The following FRMPD4 variants were observed in gnomAD, a reference collection of about 807,000 sequenced individuals.
FRMPD4 encodes FERM and PDZ domain containing 4.
In FRMPD4, 22 loss-of-function variants were observed where a neutral mutation model predicts 94.1. That is an observed-to-expected ratio of 0.23 (90% CI 0.17 to 0.33). The LOEUF is 0.33. Among genes scored for constraint, FRMPD4 ranks in the 10% least tolerant of loss-of-function variants. The probability of loss-of-function intolerance (pLI) is 1.00; values close to 1 mark genes in which losing one functional copy is unlikely to be tolerated. For synonymous variants in FRMPD4, 631 were observed against 548.6 expected (o/e 1.15, Z -2.10); for missense variants, 1,111 against 1,339.9 (o/e 0.83, Z 2.67).
intron 1 of FRMPD4, among the ~76,000 whole-genome samples, chrX:12,451,915 T>A (rs1030425933): frequency 9.0e-6 from 1 of 111,195 alleles, no homozygotes; most frequent in African/African-American, 3.3e-5. Context: ...CTCTAGCAGC[T>A]CTATTCTTTC....
intron 3 of FRMPD4, among the ~76,000 whole-genome samples, chrX:12,097,692 G>C (rs2055218368): frequency 8.9e-6 from 1 of 112,302 alleles, no homozygotes; most frequent in South Asian, 3.7e-4. Flanking sequence ...TTTTGTGTCT[G>C]GCTTCTTTCA....
At chrX:12,499,909 A>G (rs1003551749) in intron 2 of FRMPD4, among the ~76,000 whole-genome samples, 4 of 111,924 alleles carry the variant, frequency 3.6e-5, no homozygotes, top group African/African-American at 1.3e-4. Flanking sequence ...AGTTGCTGAA[A>G]CATATGGAAT....
At chrX:12,494,472 G>C (rs1255654327) in intron 1 of FRMPD4, among the ~76,000 whole-genome samples, 2 of 112,071 alleles carry the variant, frequency 1.8e-5, no homozygotes, top group African/African-American at 3.2e-5. Context: ...CACAAATCTA[G>C]TAAGTGGCAG....
chrX:11,889,119 A>AT (rs746111465), intron 3 of FRMPD4, among the ~76,000 whole-genome samples: 108 of 112,427 alleles, frequency 9.6e-4, no homozygotes, highest in African/African-American at 3.2e-3. Flanking sequence ...TTAGTGCACT[A>AT]TTATTAATTG....
intron 1 of FRMPD4, among the ~76,000 whole-genome samples, chrX:12,491,170 T>C (rs978200359): frequency 3.6e-5 from 4 of 111,650 alleles, no homozygotes; most frequent in African/African-American, 1.3e-4. Flanking sequence ...CATAACCGTT[T>C]TCTAGTTTCA....
At chrX:12,508,402 T>C (rs1025703599) in intron 2 of FRMPD4, among the ~76,000 whole-genome samples, 6 of 112,525 alleles carry the variant, frequency 5.3e-5, no homozygotes, top group Non-Finnish European at 1.1e-4. Flanking sequence ...CCATTTGGTT[T>C]TGGTCCAGAA....
At chrX:11,887,035 G>T (rs2053849569) in intron 3 of FRMPD4, among the ~76,000 whole-genome samples, 1 of 111,109 alleles carries the variant, frequency 9.0e-6, no homozygotes, top group South Asian at 3.8e-4. Context: ...TGTGTCTATT[G>T]TCTGTTTTTC....
At chrX:12,148,146 ATAAT>A (rs761055051) in intron 1 of FRMPD4, among the ~76,000 whole-genome samples, 11 of 112,290 alleles carry the variant, frequency 9.8e-5, no homozygotes, top group Non-Finnish European at 1.1e-4. Flanking sequence ...AAAGCCAGAA[ATAAT>A]TAAGTTTGGT....
chrX:12,385,040 T>G (rs1206606590), intron 1 of FRMPD4, among the ~76,000 whole-genome samples: 2 of 112,207 alleles, frequency 1.8e-5, no homozygotes, highest in Non-Finnish European at 3.8e-5. Context: ...GCTGATGTCT[T>G]TTTTTTCCCC....
At chrX:11,874,846 T>G (rs2053774484) in intron 2 of FRMPD4, among the ~76,000 whole-genome samples, 1 of 111,399 alleles carries the variant, frequency 9.0e-6, no homozygotes, top group African/African-American at 3.3e-5. Flanking sequence ...GGTGTTTTAG[T>G]GGCAGGGAAT....
intron 1 of FRMPD4, among the ~76,000 whole-genome samples, chrX:11,848,123 T>C (rs1453310072): frequency 9.0e-6 from 1 of 111,139 alleles, no homozygotes; most frequent in Non-Finnish European, 1.9e-5. Flanking sequence ...TTTTTTGGAA[T>C]ACTGTACATT....
At chrX:11,903,682 T>C (rs768683127) in intron 3 of FRMPD4, among the ~76,000 whole-genome samples, 38 of 112,810 alleles carry the variant, frequency 3.4e-4, no homozygotes, top group Middle Eastern at 9.1e-3. Flanking sequence ...AAATTTCTCA[T>C]TGTAGCCCTT....
rs750091930 is a variant in FRMPD4 at position 12,011,102 on chromosome X, AGTT to A, written c.95+133088_95+133090del. On this transcript the variant is annotated intron_variant, in intron 3 of 18. Transcript: ENST00000640291. ...ACCCCCTTAATGAATACTAAGCTGT[AGTT>A]GTTAGGAAAGAATTACTTTTATTTT... Among the ~76,000 whole-genome samples, 41 of 112,513 alleles carry A rather than the reference AGTT, an allele frequency of 3.6e-4. 1 individual carries two copies. In the Admixed American group the frequency reaches 3.7e-3, roughly 10 times the overall value.
chrX:12,671,101 G>C (rs1029770397), intron 4 of FRMPD4, among the ~76,000 whole-genome samples: 1 of 111,931 alleles, frequency 8.9e-6, no homozygotes, highest in African/African-American at 3.3e-5. Flanking sequence ...TGCTGGAGAG[G>C]ATGTGGAGAA....
chrX:12,463,731 T>G, intron 1 of FRMPD4, among the ~76,000 whole-genome samples: 1 of 83,720 alleles, frequency 1.2e-5, no homozygotes, highest in Non-Finnish European at 2.2e-5. Context: ...GAAATAAGGG[T>G]GTGAGGGCAG....
At position 12,198,258 on chromosome X, in the gene FRMPD4, A is replaced by G. The variant is rs1001393213; in HGVS notation, c.41+59246A>G. 4.5e-5 allele frequency among the ~76,000 whole-genome samples: 5 copies of G among 112,126 alleles called. No homozygotes were observed. In the East Asian group the frequency reaches 1.4e-3, roughly 32 times the overall value. ...TTGATTCACTGTTTTTAATTCAGGC[A>G]GAGAGACATAAGTCTGGTCTTTATT... On this transcript the variant is annotated intron_variant, in intron 1 of 16. Coordinates refer to ENST00000675598, the MANE Select transcript of FRMPD4 (RefSeq NM_001368397.1).
intron 1 of FRMPD4, among the ~76,000 whole-genome samples, chrX:12,262,252 T>A (rs1303929901): frequency 1.8e-5 from 2 of 111,854 alleles, no homozygotes; most frequent in African/African-American, 6.5e-5. Context: ...TAAAACATAT[T>A]TTTTTTATTT....
At chrX:11,983,041 T>C (rs1011867628) in intron 3 of FRMPD4, among the ~76,000 whole-genome samples, 25 of 111,836 alleles carry the variant, frequency 2.2e-4, no homozygotes, top group African/African-American at 7.5e-4. Flanking sequence ...TATTGATGCT[T>C]GTTCCTATCA....
At chrX:12,541,023 G>T (rs1334068579) in intron 2 of FRMPD4, among the ~76,000 whole-genome samples, 5 of 111,882 alleles carry the variant, frequency 4.5e-5, no homozygotes. Context: ...CAGAAATAAA[G>T]ATGTTCTTTG....
Sources: allele counts gnomAD v4.1 joint callset (sites outside exome capture counted in the v4.1 genomes callset), GRCh38; gene constraint gnomAD v4.1.1; transcripts MANE v1.5; gene names NCBI Gene and HGNC (gene_info 2026-07-23, HGNC 2026-07-21).